SCARB1: variants seen among roughly 807,000 people sequenced by gnomAD.
SCARB1 encodes the protein CD36 and LIMPII analogous 1.
Under a neutral mutation model 57.2 loss-of-function variants are expected in SCARB1, and 30 were observed. That is an observed-to-expected ratio of 0.52 (90% CI 0.39 to 0.71). The LOEUF is 0.71. Ranked by LOEUF, SCARB1 falls within the 30% of genes least tolerant of loss-of-function variation. The probability of loss-of-function intolerance (pLI) is 0.00; values close to 1 mark genes in which losing one functional copy is unlikely to be tolerated. For missense variants in SCARB1, 543 were observed against 671.2 expected, an observed-to-expected ratio of 0.81 and a Z score of 2.11; for synonymous variants, 249 against 268.3, an observed-to-expected ratio of 0.93 and a Z score of 0.70.
At chr12:124,861,026 G>A (rs2135868706) in intron 1 of SCARB1, among the ~76,000 whole-genome samples, 1 of 152,266 alleles carries the variant, frequency 6.6e-6, no homozygotes, top group South Asian at 2.1e-4. Context: ...CAATGATGGT[G>A]ATAATAGCTC....
At chr12:124,833,325 G>A (rs1951495454) in intron 1 of SCARB1, among the ~76,000 whole-genome samples, 2 of 151,776 alleles carry the variant, frequency 1.3e-5, no homozygotes, top group South Asian at 4.2e-4. Flanking sequence ...ACATAACTGG[G>A]ACCACAAGCA....
chr12:124,782,274 T>A (rs1042010365), intron 12 of SCARB1, among the ~76,000 whole-genome samples: 1 of 152,186 alleles, frequency 6.6e-6, no homozygotes, highest in African/African-American at 2.4e-5. Flanking sequence ...TTAGGGTCCA[T>A]TAAAATACAG....
intron 1 of SCARB1, among the ~76,000 whole-genome samples, chr12:124,860,002 G>T (rs1952828456): frequency 6.7e-6 from 1 of 148,790 alleles, no homozygotes; most frequent in Non-Finnish European, 1.5e-5. Flanking sequence ...GCAGGCTGGA[G>T]GGCAGTGGCG....
intron 1 of SCARB1, among the ~76,000 whole-genome samples, chr12:124,860,051 A>G (rs542983571): frequency 6.6e-6 from 1 of 151,326 alleles, no homozygotes; most frequent in East Asian, 1.9e-4. Flanking sequence ...TCCAGGTTCA[A>G]GCTATTCTCC....
chr12:124,839,216 C>T (rs1951812297), intron 1 of SCARB1: 2 of 456,138 alleles, frequency 4.4e-6, no homozygotes, highest in Non-Finnish European at 4.4e-6. Flanking sequence ...AGCTCTGCAC[C>T]CCCTCTCCCC....
intron 1 of SCARB1, among the ~76,000 whole-genome samples, chr12:124,834,093 G>C (rs1951531121): frequency 6.6e-6 from 1 of 152,204 alleles, no homozygotes; most frequent in Admixed American, 6.5e-5. Context: ...CCCTGAAAAG[G>C]GCTAAGCCAG....
chr12:124,852,685 G>A (rs914764007), intron 1 of SCARB1, among the ~76,000 whole-genome samples: 1 of 152,256 alleles, frequency 6.6e-6, no homozygotes, highest in Non-Finnish European at 1.5e-5. Flanking sequence ...TCACACAAGT[G>A]GATGAGATAA....
rs1042894554 is a variant in SCARB1, at chr12:124,800,887, C to T, written c.1010-645G>A. Among the ~76,000 whole-genome samples, 8 of 152,206 alleles carry T rather than the reference C, an allele frequency of 5.3e-5. No homozygotes were observed. Among genetic ancestry groups the T allele is most frequent in the African/African-American group, 1.7e-4 (7 of 41,440 alleles). On this transcript the variant is annotated intron_variant, in intron 7 of 12. Coordinates refer to ENST00000261693, the MANE Select transcript of SCARB1 (RefSeq NM_005505.5). This position sits in a 1 kb window ranked among gnomAD's most constrained non-coding sequence, Gnocchi z 4.8. ...ACAACAGGCCTGAAGGACAAGTTAA[C>T]AAGGAACAGCGAGCGGGCCTCTCTC...
intron 11 of SCARB1, chr12:124,784,070 G>A (rs1420506764): frequency 6.6e-6 from 1 of 152,286 alleles, no homozygotes; most frequent in Non-Finnish European, 1.5e-5. Flanking sequence ...GACAGAAGGA[G>A]ACAGAGGGAT....
At chr12:124,816,059 T>C (rs530212867) in intron 2 of SCARB1, among the ~76,000 whole-genome samples, 2 of 152,310 alleles carry the variant, frequency 1.3e-5, no homozygotes, top group East Asian at 3.9e-4. Context: ...GCACATGCTC[T>C]GCCCGGGACT....
At chr12:124,816,617 TG>T (rs1950726383) in intron 2 of SCARB1, among the ~76,000 whole-genome samples, 1 of 152,050 alleles carries the variant, frequency 6.6e-6, no homozygotes, top group Non-Finnish European at 1.5e-5. Flanking sequence ...GCCCCATCCC[TG>T]GAACACCGTG....
chr12:124,824,321 C>A (rs539226811), intron 1 of SCARB1, among the ~76,000 whole-genome samples: 2 of 152,164 alleles, frequency 1.3e-5, no homozygotes, highest in Admixed American at 6.5e-5. Context: ...ACCACACTTA[C>A]GAAATGCCCA....
rs751372727 is a variant in SCARB1 at position 124,817,714 on chromosome 12, G to T, written c.127-7C>A. 58 of 1,613,980 alleles carry T rather than the reference G, an allele frequency of 3.6e-5. No individual in the cohort carries two copies. Among genetic ancestry groups the T allele is most frequent in the Non-Finnish European group, 4.4e-5 (52 of 1,179,996 alleles). On this transcript the variant is annotated splice_region_variant and splice_polypyrimidine_tract_variant and intron_variant, in intron 1 of 12. Transcript: ENST00000261693. This position sits in a 1 kb window ranked among gnomAD's most constrained non-coding sequence, Gnocchi z 4.8. ...TGGGGTCGATGCGCACGTTCTGCAG[G>T]GGAAGGGACAAGTACGCTTGTGAGG...
intron 1 of SCARB1, among the ~76,000 whole-genome samples, chr12:124,823,283 T>TTTTATA (rs1951012853): frequency 6.6e-6 from 1 of 152,232 alleles, no homozygotes; most frequent in Non-Finnish European, 1.5e-5. Flanking sequence ...GAAACTATAA[T>TTTTATA]GTGAAATTTT....
chr12:124,801,881 TG>T (rs1250775629), intron 7 of SCARB1, among the ~76,000 whole-genome samples: 1 of 149,858 alleles, frequency 6.7e-6, no homozygotes, highest in Non-Finnish European at 1.5e-5. Context: ...CCGGGCGCGG[TG>T]GCTCACGCCT....
intron 1 of SCARB1, among the ~76,000 whole-genome samples, chr12:124,841,487 A>T (rs1951909482): frequency 6.6e-6 from 1 of 151,868 alleles, no homozygotes; most frequent in Admixed American, 6.6e-5. Context: ...GTCTCAAAAA[A>T]AAAAAAAAAA....
At chr12:124,803,029 C>T (rs1001982316) in intron 7 of SCARB1, among the ~76,000 whole-genome samples, 1 of 152,238 alleles carries the variant, frequency 6.6e-6, no homozygotes, top group African/African-American at 2.4e-5. Flanking sequence ...CACCACACAG[C>T]AACGGAGAGG....
At chr12:124,833,645 C>T (rs1214349114) in intron 1 of SCARB1, among the ~76,000 whole-genome samples, 4 of 152,154 alleles carry the variant, frequency 2.6e-5, no homozygotes, top group African/African-American at 7.2e-5. Flanking sequence ...ACACAGCCCC[C>T]TCCACCCCAG....
At chr12:124,833,111 G>A (rs1311966911) in intron 1 of SCARB1, among the ~76,000 whole-genome samples, 3 of 151,408 alleles carry the variant, frequency 2.0e-5, no homozygotes, top group African/African-American at 7.3e-5. Context: ...TGACCCTCCT[G>A]CCTCCCTCTG....
Sources: allele counts gnomAD v4.1 joint callset (sites outside exome capture counted in the v4.1 genomes callset), GRCh38; gene constraint gnomAD v4.1.1; non-coding constraint Gnocchi (gnomAD v3.1); transcripts MANE v1.5; gene names NCBI Gene and HGNC (gene_info 2026-07-23, HGNC 2026-07-21).